The following CRHR2 variants were observed in gnomAD, a reference collection of about 807,000 sequenced individuals.
CRHR2 encodes corticotropin-releasing hormone receptor 2.
A neutral mutation model predicts 57.9 loss-of-function variants in CRHR2; 53 were observed. The ratio of observed to expected loss-of-function variants is 0.92; its 90% CI spans 0.73 to 1.15. The LOEUF (loss-of-function observed/expected upper bound fraction) is 1.15. Among genes scored for constraint, CRHR2 ranks in the 50% most tolerant of loss-of-function variants. CRHR2 has a pLI of 0.00. For synonymous variants in CRHR2, 213 were observed against 220.9 expected (o/e 0.96, Z 0.32); for missense variants, 532 against 542.6 (o/e 0.98, Z 0.19).
At chr7:30,682,562 G>C (rs1784761415), upstream of CRHR2, 1 of 1,191,230 alleles carries the variant, frequency 8.4e-7, no homozygotes, top group Non-Finnish European at 1.0e-6. Context: ...GGCTCCTCTC[G>C]GAGGGGCTCA....
At chr7:30,689,309 C>G (rs1252320065) in intron 1 of CRHR2, 1 of 1,539,882 alleles carries the variant, frequency 6.5e-7, no homozygotes, top group East Asian at 2.4e-5. Flanking sequence ...GGATGAGGGT[C>G]AAAGATCAGG....
At chr7:30,682,973 C>T (rs1784776467), upstream of CRHR2, among the ~76,000 whole-genome samples, 1 of 152,194 alleles carries the variant, frequency 6.6e-6, no homozygotes, top group Admixed American at 6.5e-5. Flanking sequence ...GGGAGACACC[C>T]ATGAGTCTAA....
chr7:30,698,572 A>G (rs766056012), intron 1 of CRHR2, among the ~76,000 whole-genome samples: 9 of 152,272 alleles, frequency 5.9e-5, no homozygotes, highest in African/African-American at 1.7e-4. Context: ...ACCCATCCCA[A>G]TTGCAGTCTG....
At chr7:30,677,377 G>A (rs115852357) in intron 2 of CRHR2, among the ~76,000 whole-genome samples, 63 of 152,220 alleles carry the variant, frequency 4.1e-4, no homozygotes, top group Non-Finnish European at 7.2e-4. Context: ...GGGGAGAGGT[G>A]GGAGGAAAAT....
Position 30,665,572 on chromosome 7 carries a change from A to G in CRHR2, c.383T>C (p.Val128Ala). 6.4e-7 allele frequency: 1 copy of G among 1,564,872 alleles called. No homozygotes were observed. The highest frequency in any genetic ancestry group is 8.7e-7 in the Non-Finnish European group (1 of 1,153,680). The change falls in exon 4 of 12, where the codon GTG (valine) becomes GCG (alanine). Residue 128 changes from valine to alanine, a missense_variant. By Grantham distance (64) the Val-to-Ala change is moderately conservative. Transcript: ENST00000471646. The surrounding 1 kb of genome is among the most constrained non-coding windows in gnomAD (Gnocchi z 4.5). The stretch of plus-strand genomic sequence containing the variant: ...CAGGAAGGCGGCCACCAGGGCTGCC[A>G]CAGATACGCAGTGGCCCAGGTAGTT... ...VVNYLGHCVS[V>A]AALVAAFLLF...
At position 30,669,063 on chromosome 7, in the gene CRHR2, T is replaced by A. The variant is rs565579148; in HGVS notation, c.230-1750A>T. 9.2e-5 allele frequency among the ~76,000 whole-genome samples: 14 copies of A among 152,296 alleles called. No individual in the cohort carries two copies. The South Asian group carries it at 2.9e-3, about 32-fold the overall frequency. ...AAAGTATGTAAGGAGGGTAAGTTCT[T>A]TTGTGAAATGAACAGTCCCTCCCTG... On this transcript the variant is annotated intron_variant, in intron 2 of 11. Coordinates refer to ENST00000471646, the MANE Select transcript of CRHR2 (RefSeq NM_001883.5).
Position 30,655,622 on chromosome 7 carries a change from C to G in CRHR2, c.1011G>C (p.Gln337His), listed in dbSNP as rs951937875. The G allele has an allele frequency of 2.7e-5, 43 of 1,614,124 alleles. No homozygotes were observed. The highest frequency in any genetic ancestry group is 3.6e-5 in the Non-Finnish European group (43 of 1,179,990). The change falls in exon 10 of 12, where the codon CAG becomes CAC. Residue 337 changes from glutamine (Q) to histidine (H), a missense_variant. By Grantham distance (24) the Gln-to-His change is conservative. Coordinates refer to ENST00000471646, the MANE Select transcript of CRHR2 (RefSeq NM_001883.5). ...FVNPGEDDLSQIMFIYFNSFL... is the reference protein window; with the variant it reads ...FVNPGEDDLSHIMFIYFNSFL... ...AGGAGTTGAAATAGATGAACATGAT[C>G]TGTGACAGGTCGTCCTCCCCGGGAT... is the stretch of plus-strand genomic sequence containing the variant.
At chr7:30,672,010 G>A (rs907104905) in intron 2 of CRHR2, among the ~76,000 whole-genome samples, 24 of 152,184 alleles carry the variant, frequency 1.6e-4, no homozygotes, top group Non-Finnish European at 8.8e-5. Context: ...CACTACATGG[G>A]ATCGGAACTT....
Position 30,689,182 on chromosome 7 carries a change from GGTACCTACCT to G in CRHR2, c.-168_-167+8del. On this transcript the variant is annotated splice_donor_variant and splice_donor_5th_base_variant and 5_prime_UTR_variant and intron_variant, in exon 2 of 14. Coordinates refer to the CRHR2 transcript ENST00000341843. LOFTEE classifies it low-confidence loss of function (5UTR_SPLICE). ...GGGCTGCTGCAGGGTGGTGGCAGAG[GGTACCTACCT>G]GAGAGGTTGGTGAGGGTCATGATGG... 6.5e-7 allele frequency: 1 copy of G among 1,547,916 alleles called. No homozygotes were observed. The highest frequency in any genetic ancestry group is 8.7e-7 in the Non-Finnish European group (1 of 1,144,800).
In CRHR2 at chr7:30,665,340, T is replaced by G. The variant is rs1784145032; in HGVS notation, c.426-153A>C. On this transcript the variant is annotated intron_variant, in intron 4 of 11. Coordinates refer to ENST00000471646, the MANE Select transcript of CRHR2 (RefSeq NM_001883.5). This position sits in a 1 kb window ranked among gnomAD's most constrained non-coding sequence, Gnocchi z 4.5. ...TGGTGGCCACAGTTGGGCCTCTGAG[T>G]CCAGCTCCCACTCTGCACCCCACAT... 1.3e-5 allele frequency among the ~76,000 whole-genome samples: 2 copies of G among 151,934 alleles called. No homozygotes were observed. Among genetic ancestry groups the G allele is most frequent in the African/African-American group, 2.4e-5 (1 of 41,358 alleles).
At chr7:30,655,160 A>C in intron 10 of CRHR2, 80 bp from the exon 11 acceptor site, 5 of 1,361,004 alleles carry the variant, frequency 3.7e-6, no homozygotes, top group South Asian at 1.2e-5. Flanking sequence ...ACTGGGGACA[A>C]GATGGTGGGG....
chr7:30,689,664 A>G (rs577265923), intron 1 of CRHR2, among the ~76,000 whole-genome samples: 3 of 152,250 alleles, frequency 2.0e-5, no homozygotes, highest in Admixed American at 6.5e-5. Context: ...TTTGCAGAAC[A>G]CCTACTGTGT....
rs1381739257 is a variant in CRHR2 at position 30,662,798 on chromosome 7, T to C, written c.593A>G (p.Asn198Ser). 4.3e-6 allele frequency: 7 copies of C among 1,613,998 alleles called. No individual in the cohort carries two copies. In the African/African-American group the frequency reaches 5.3e-5, roughly 12 times the overall value. The change falls in exon 6 of 12, where the codon AAC (asparagine) becomes AGC (serine). Residue 198 changes from asparagine (N) to serine (S), a missense_variant. By Grantham distance (46) the Asn-to-Ser change is conservative. Coordinates refer to ENST00000471646, the MANE Select transcript of CRHR2 (RefSeq NM_001883.5). ...TTIFNYFVVTNFFWMFVEGCY... is the reference protein window; with the variant it reads ...TTIFNYFVVTSFFWMFVEGCY... Reference sequence around the variant, plus strand: ...GCCTTCCACAAACATCCAGAAGAAGTTGGTCACCACGAAGTAGTTGAAGAT... The same window carrying C: ...GCCTTCCACAAACATCCAGAAGAAGCTGGTCACCACGAAGTAGTTGAAGAT...
At chr7:30,683,891 CT>C (rs1024341512), upstream of CRHR2, among the ~76,000 whole-genome samples, 82 of 152,364 alleles carry the variant, frequency 5.4e-4, no homozygotes, top group African/African-American at 1.8e-3. Flanking sequence ...GCACCATGCC[CT>C]GGGCAGAGAG....
chr7:30,665,008 G>C lies in CRHR2; in HGVS notation c.543+62C>G, dbSNP rs1349866890. 3.7e-6 allele frequency: 5 copies of C among 1,352,778 alleles called. No individual in the cohort carries two copies. Among genetic ancestry groups the C allele is most frequent in the Middle Eastern group, 1.9e-4 (1 of 5,400 alleles). 83.8% of individuals were successfully genotyped at this position (1,352,778 alleles called of 1,614,324 possible). A position where few individuals can be genotyped will look rare whatever the true frequency, so the allele number is the denominator to read the frequency against. On this transcript the variant is annotated intron_variant, in intron 5 of 11. Coordinates refer to ENST00000471646, the MANE Select transcript of CRHR2 (RefSeq NM_001883.5). The surrounding 1 kb of genome is among the most constrained non-coding windows in gnomAD (Gnocchi z 4.5). ...GGTCCAAGCAGAGACCAGACAGACA[G>C]ATGGGTGCCCCCGGAGCCCAGAGCC...
At chr7:30,692,270 C>T (rs1368891641) in intron 1 of CRHR2, among the ~76,000 whole-genome samples, 3 of 152,166 alleles carry the variant, frequency 2.0e-5, no homozygotes, top group East Asian at 3.9e-4. Context: ...CTCCCAAGGC[C>T]CAGCTCAAGC....
At chr7:30,691,517 G>A (rs1035339615) in intron 1 of CRHR2, among the ~76,000 whole-genome samples, 2 of 152,194 alleles carry the variant, frequency 1.3e-5, no homozygotes, top group African/African-American at 4.8e-5. Context: ...AGGCAATGTG[G>A]GATGGTCCTT....
chr7:30,660,320 A>C (rs962709878), intron 8 of CRHR2, among the ~76,000 whole-genome samples: 5 of 152,206 alleles, frequency 3.3e-5, no homozygotes, highest in Non-Finnish European at 7.3e-5. Context: ...TACCCATCAG[A>C]TCCTTTCTCC....
At position 30,682,277 on chromosome 7, in the gene CRHR2, C is replaced by T. The variant is rs138157145; in HGVS notation, c.4G>A (p.Asp2Asn). Residue 2 changes from aspartate (D) to asparagine (N), a missense_variant, in exon 1 of 12, where the codon GAC becomes AAC. Physicochemically the swap from Asp to Asn is conservative, Grantham distance 23. Coordinates refer to ENST00000471646, the MANE Select transcript of CRHR2 (RefSeq NM_001883.5). MDAALLHSLLEA... is the reference protein window; with the variant it reads MNAALLHSLLEA... ...AGCAGGCTGTGGAGCAGTGCCGCGT[C>T]CATCGCGTCCCGCAGCCGCGTGCGG... 3.2e-5 allele frequency: 50 copies of T among 1,567,760 alleles called. No individual in the cohort carries two copies. In the Admixed American group the frequency reaches 3.7e-4, roughly 12 times the overall value.
Sources: gnomAD v4.1 joint callset for allele counts (sites outside exome capture counted in the v4.1 genomes callset) on GRCh38, gnomAD v4.1.1 for gene constraint, Gnocchi (gnomAD v3.1) non-coding constraint, MANE v1.5 for transcripts, NCBI Gene and HGNC (gene_info 2026-07-23, HGNC 2026-07-21) for gene names.